The following TOP2B variants were observed in gnomAD, a reference collection of about 807,000 sequenced individuals.
TOP2B encodes DNA topoisomerase 2-beta.
A neutral mutation model predicts 193.5 loss-of-function variants in TOP2B; 51 were observed. The observed-to-expected ratio is 0.26, with a 90% CI of 0.21 to 0.33. The LOEUF (loss-of-function observed/expected upper bound fraction) is 0.33. Ranked by LOEUF, TOP2B falls within the 10% of genes least tolerant of loss-of-function variation. The pLI is 1.00. For synonymous variants in TOP2B, 634 were observed against 635.7 expected (o/e 1.00, Z 0.04); for missense variants, 1,378 against 1,909.3 (o/e 0.72, Z 5.19).
rs938237853 is a variant in TOP2B, at chr3:25,664,537, G to C, written c.-240C>G. On this transcript the variant is annotated 5_prime_UTR_variant, in exon 1 of 36. Transcript: ENST00000264331. Reference sequence around the variant, plus strand: ...CGTCCGCGTCGCCCGGGCCTAGCGCGGCGGCTGAGGAGAAAGCAGGGAGCG... The same window carrying C: ...CGTCCGCGTCGCCCGGGCCTAGCGCCGCGGCTGAGGAGAAAGCAGGGAGCG... 1 of 1,134,192 alleles carries C rather than the reference G, an allele frequency of 8.8e-7. No individual in the cohort carries two copies. The highest frequency in any genetic ancestry group is 1.6e-5 in the African/African-American group (1 of 60,866). The allele number at this position is 1,134,192 out of a possible 1,614,324, so 70.3% of individuals were successfully genotyped here. A position where few individuals can be genotyped will look rare whatever the true frequency, so the allele number is the denominator to read the frequency against.
intron 34 of TOP2B, among the ~76,000 whole-genome samples, chr3:25,600,287 C>T (rs1342917383): frequency 6.6e-6 from 1 of 152,068 alleles, no homozygotes; most frequent in Non-Finnish European, 1.5e-5. Flanking sequence ...CTTTAAAATC[C>T]CTTGACAGCT....
intron 18 of TOP2B, among the ~76,000 whole-genome samples, chr3:25,625,476 T>C (rs572831761): frequency 1.9e-4 from 29 of 152,316 alleles, no homozygotes; most frequent in African/African-American, 6.5e-4. Flanking sequence ...CCGTGGCCCG[T>C]GGGCTGCATG....
At chr3:25,624,566 T>G in intron 19 of TOP2B, 116 bp downstream of exon 19, 1 of 1,530,434 alleles carries the variant, frequency 6.5e-7, no homozygotes. Context: ...AATCTGTATA[T>G]TCTCTTAATT....
intron 31 of TOP2B, among the ~76,000 whole-genome samples, chr3:25,606,750 C>T (rs1299486241): frequency 6.6e-6 from 1 of 152,166 alleles, no homozygotes; most frequent in African/African-American, 2.4e-5. Flanking sequence ...AACAAACCTC[C>T]CAATTCTAAG....
intron 28 of TOP2B, 66 bp downstream of exon 28, chr3:25,612,442 ATTAAAAT>A (rs1220716745): frequency 8.7e-7 from 1 of 1,151,206 alleles, no homozygotes; most frequent in Non-Finnish European, 1.2e-6. Context: ...TTAAACACGC[ATTAAAAT>A]TTTTTAAATT....
At chr3:25,638,460 T>C in intron 4 of TOP2B, 150 bp from the exon 5 acceptor site, 1 of 1,022,394 alleles carries the variant, frequency 9.8e-7, no homozygotes, top group Non-Finnish European at 1.3e-6. Context: ...TGGAAGGCAC[T>C]GATTCATCTC....
rs1246511019 is a variant in TOP2B at position 25,632,470 on chromosome 3, C to T, written c.1242G>A (p.Gln414=). 1 of 1,574,342 alleles carries T rather than the reference C, an allele frequency of 6.4e-7. No individual in the cohort carries two copies. The highest frequency in any genetic ancestry group is 1.4e-5 in the African/African-American group (1 of 73,448). ...LQPKSFGSKC[Q]LSEKFFKAAS... ...CTGCTTTAAAAAATTTTTCTGACAG[C>T]TGGCATTTAGACCCAAAACTTTTGG... The change falls in exon 10 of 36, where the codon CAG becomes CAA. Residue 414 remains glutamine (Q), a synonymous_variant. Coordinates refer to ENST00000264331, the MANE Select transcript of TOP2B (RefSeq NM_001330700.2).
intron 11 of TOP2B, 68 bp downstream of exon 11, chr3:25,630,733 A>C (rs918558540): frequency 1.5e-6 from 2 of 1,364,768 alleles, no homozygotes; most frequent in Admixed American, 3.3e-5. Context: ...TGTAGAAAAT[A>C]AAAAAATTCT....
chr3:25,615,685 C>G, intron 25 of TOP2B, 99 bp from the exon 26 acceptor site: 2 of 1,005,354 alleles, frequency 2.0e-6, no homozygotes, highest in Non-Finnish European at 2.6e-6. Context: ...AAGTGCTACA[C>G]TATAAATGCT....
At position 25,637,225 on chromosome 3, in the gene TOP2B, C is replaced by G. The variant is rs202236498; in HGVS notation, c.629G>C (p.Ser210Thr). The change falls in exon 6 of 36, where the codon AGT becomes ACT. Residue 210 changes from serine to threonine, a missense_variant. This residue lies in a region of TOP2B where 222 missense variants were observed against 306.6 expected (regional missense o/e 0.72). Coordinates refer to ENST00000264331, the MANE Select transcript of TOP2B (RefSeq NM_001330700.2). ...GTGTTTCTAGCATACCTGCTTAAAACTGTGTTTGTATTCTTTGCAAGCTGT... is the reference window on the plus strand; with the variant it reads ...GTGTTTCTAGCATACCTGCTTAAAAGTGTGTTTGTATTCTTTGCAAGCTGT... The part of the protein sequence containing the change: ...VETACKEYKH[S>T]FKQTWMNNMM... 4.5e-6 allele frequency: 7 copies of G among 1,553,264 alleles called. No individual in the cohort carries two copies. The South Asian group carries it at 8.3e-5, about 18-fold the overall frequency.
chr3:25,630,749 TAAATA>T, intron 11 of TOP2B, 47 bp downstream of exon 11: 1 of 1,422,968 alleles, frequency 7.0e-7, no homozygotes, highest in African/African-American at 1.5e-5. Flanking sequence ...ATTCTGTAAC[TAAATA>T]AAAGTGAAAC....
chr3:25,629,926 ACTTT>A (rs1165650144), intron 13 of TOP2B, 99 bp downstream of exon 13: 10 of 1,220,762 alleles, frequency 8.2e-6, no homozygotes, highest in Non-Finnish European at 1.0e-5. Context: ...ATGTATAATC[ACTTT>A]CAGTTATACC....
At chr3:25,624,547 A>C (rs1156370513) in intron 19 of TOP2B, 102 bp from the exon 20 acceptor site, 1 of 1,530,068 alleles carries the variant, frequency 6.5e-7, no homozygotes, top group Non-Finnish European at 8.8e-7. Flanking sequence ...AAGGCTTTAG[A>C]ATCTCACTAA....
intron 1 of TOP2B, among the ~76,000 whole-genome samples, chr3:25,662,607 A>G (rs979529549): frequency 6.6e-6 from 1 of 152,244 alleles, no homozygotes; most frequent in African/African-American, 2.4e-5. Flanking sequence ...CTTGAATGAG[A>G]TGCTCCAAGT....
intron 4 of TOP2B, among the ~76,000 whole-genome samples, chr3:25,639,229 A>G (rs1430415213): frequency 6.6e-6 from 1 of 152,258 alleles, no homozygotes; most frequent in Non-Finnish European, 1.5e-5. Flanking sequence ...TGAAAGCTAC[A>G]GTTTTAAAAT....
chr3:25,609,407 T>TA, intron 29 of TOP2B, 63 bp from the exon 30 acceptor site: 1 of 1,475,046 alleles, frequency 6.8e-7, no homozygotes, highest in African/African-American at 1.4e-5. Context: ...TTAGTAAAAA[T>TA]AAAATTGTTA....
intron 1 of TOP2B, among the ~76,000 whole-genome samples, chr3:25,648,788 G>A (rs1360124247): frequency 6.6e-6 from 1 of 152,226 alleles, no homozygotes; most frequent in Non-Finnish European, 1.5e-5. Context: ...CCTGAGCCCA[G>A]AAGGTCGAGG....
At position 25,627,231 on chromosome 3, in the gene TOP2B, A is replaced by T; in HGVS notation, c.1972T>A (p.Leu658Met). 6.2e-7 allele frequency: 1 copy of T among 1,610,420 alleles called. No homozygotes were observed. Among genetic ancestry groups the T allele is most frequent in the Non-Finnish European group, 8.5e-7 (1 of 1,178,692 alleles). Residue 658 changes from leucine (L) to methionine (M), a missense_variant, in exon 16 of 36, where the codon TTG (leucine) becomes ATG (methionine). Around this residue, in one of 9 missense-constraint regions of TOP2B, gnomAD observed 379 missense variants for 615.1 expected, o/e 0.62. Coordinates refer to ENST00000264331, the MANE Select transcript of TOP2B (RefSeq NM_001330700.2). Reference sequence around the variant, plus strand: ...TCTTCAGGACCAGCATATCTAAACAAGATGCGATGCCTTTCCATATCAGCA... The same window carrying T: ...TCTTCAGGACCAGCATATCTAAACATGATGCGATGCCTTTCCATATCAGCA... ...YFADMERHRILFRYAGPEDDA... is the reference protein window; with the variant it reads ...YFADMERHRIMFRYAGPEDDA...
In TOP2B at chr3:25,658,540, TATG is replaced by T. The variant is rs747622739; in HGVS notation, c.69+5686_69+5688del. On this transcript the variant is annotated intron_variant, in intron 1 of 35. Transcript: ENST00000264331. The stretch of plus-strand genomic sequence containing the variant: ...AATTATATTCTTTTTCATTTATAAA[TATG>T]ATGATAACATCATTGACTTTTTCTG... Among the ~76,000 whole-genome samples, 8 of 152,148 alleles carry T rather than the reference TATG, an allele frequency of 5.3e-5. No homozygotes were observed. The East Asian group carries it at 7.7e-4, about 15-fold the overall frequency.
Sources: allele counts gnomAD v4.1 joint callset (sites outside exome capture counted in the v4.1 genomes callset), GRCh38; gene constraint gnomAD v4.1.1; regional missense constraint gnomAD v4.1.1; transcripts MANE v1.5; gene names NCBI Gene and HGNC (gene_info 2026-07-23, HGNC 2026-07-21).